EPS15L1: variants seen among roughly 807,000 people sequenced by gnomAD.
EPS15L1 encodes epidermal growth factor receptor pathway substrate 15 like 1, also known as epidermal growth factor receptor substrate 15-like 1.
EPS15L1 carries 43 observed loss-of-function variants against 117.1 expected under a neutral mutation model. The observed-to-expected ratio is 0.37, with a 90% confidence interval of 0.29 to 0.47. The LOEUF is 0.47. Among genes scored for constraint, EPS15L1 ranks in the 20% least tolerant of loss-of-function variants. The probability of loss-of-function intolerance (pLI) is 0.99; values close to 1 mark genes in which losing one functional copy is unlikely to be tolerated. For synonymous variants in EPS15L1, 459 were observed against 470.5 expected, an observed-to-expected ratio of 0.98 and a Z score of 0.32; for missense variants, 981 against 1,164.0, an observed-to-expected ratio of 0.84 and a Z score of 2.29.
Position 16,425,176 on chromosome 19 carries a change from T to C in EPS15L1, c.699A>G (p.Lys233=). ...VPVLPASPPP[K]DSLRSTPSHG... ...GGGACGGCGTGGAGCGGAGGCTGTC[T>C]TTTGGTGGGGGGCTGGCAGGCAGGA... Residue 233 remains lysine (K), a synonymous_variant, in exon 9 of 24, where the codon AAA becomes AAG. Transcript: ENST00000455140. 6.2e-7 allele frequency: 1 copy of C among 1,613,280 alleles called. No individual in the cohort carries two copies. The highest frequency in any genetic ancestry group is 2.2e-5 in the East Asian group (1 of 44,794).
rs1299084917 is a variant in EPS15L1 at position 16,437,763 on chromosome 19, C to A, written c.309+7G>T. ...AGAATGTGAACTTGAAGGACTTGGA[C>A]ACTCACAAATTTAGGCGGTGGCATG... On this transcript the variant is annotated splice_region_variant and intron_variant, in intron 5 of 23. Transcript: ENST00000455140. 6.2e-7 allele frequency: 1 copy of A among 1,610,716 alleles called. No individual in the cohort carries two copies. Among genetic ancestry groups the A allele is most frequent in the Non-Finnish European group, 8.5e-7 (1 of 1,176,908 alleles).
intron 1 of EPS15L1, among the ~76,000 whole-genome samples, chr19:16,451,495 T>G (rs914487263): frequency 1.3e-5 from 2 of 151,800 alleles, no homozygotes; most frequent in African/African-American, 4.9e-5. Context: ...TAGAGGTGCA[T>G]GTTGAAATAC....
intron 15 of EPS15L1, among the ~76,000 whole-genome samples, 179 bp from the exon 16 acceptor site, chr19:16,402,664 C>T (rs1220342932): frequency 1.3e-5 from 2 of 152,004 alleles, no homozygotes; most frequent in African/African-American, 2.4e-5. Context: ...GCCTCAGCCT[C>T]CTGAGTAGCT....
At position 16,377,273 on chromosome 19, in the gene EPS15L1, A is replaced by G; in HGVS notation, c.2248-19T>C. The G allele has an allele frequency of 6.2e-7, 1 of 1,608,156 alleles. No homozygotes were observed. The highest frequency in any genetic ancestry group is 8.5e-7 in the Non-Finnish European group (1 of 1,178,374). ...GTGGGGGCTGTAAGAGAGGACATGA[A>G]AGAGAGGCAAAAATAGTTGTTAAAA... On this transcript the variant is annotated intron_variant, in intron 21 of 23. Coordinates refer to ENST00000455140, the MANE Select transcript of EPS15L1 (RefSeq NM_001258374.3).
intron 12 of EPS15L1, among the ~76,000 whole-genome samples, chr19:16,414,400 C>T (rs1277212243): frequency 6.6e-6 from 1 of 152,026 alleles, no homozygotes; most frequent in Non-Finnish European, 1.5e-5. Context: ...CCTGTCTGAA[C>T]TACTACTTTT....
intron 20 of EPS15L1, 71 bp downstream of exon 20, chr19:16,386,100 G>A (rs1201220254): frequency 4.0e-5 from 47 of 1,182,542 alleles, no homozygotes; most frequent in Non-Finnish European, 5.4e-5. Flanking sequence ...GGGAGTGAAA[G>A]TGTTAACTGC....
rs1282974151 is a variant in EPS15L1, at chr19:16,456,884, T to C, written c.34-14665A>G. ...ACGGCCCCAGTCAGGTGGAAGGGCA[T>C]GTGCATAGGATGCCAGGGTCTGTGC... On this transcript the variant is annotated intron_variant, in intron 1 of 23. Coordinates refer to ENST00000455140, the MANE Select transcript of EPS15L1 (RefSeq NM_001258374.3). 7.9e-5 allele frequency among the ~76,000 whole-genome samples: 12 copies of C among 152,070 alleles called. No homozygotes were observed. In the East Asian group the frequency reaches 1.9e-3, roughly 25 times the overall value.
intron 10 of EPS15L1, among the ~76,000 whole-genome samples, chr19:16,419,254 T>G (rs1394624798): frequency 2.0e-5 from 3 of 151,504 alleles, no homozygotes; most frequent in Admixed American, 6.6e-5. Context: ...AGGTCAGGAG[T>G]TCGAGACCAG....
chr19:16,449,844 T>C lies in EPS15L1; in HGVS notation c.34-7625A>G, dbSNP rs148399892. Among the ~76,000 whole-genome samples the C allele has an allele frequency of 2.0e-3, 304 of 152,280 alleles. 1 individual carries two copies. The highest frequency in any genetic ancestry group is 7.1e-3 in the African/African-American group (297 of 41,546). On this transcript the variant is annotated intron_variant, in intron 1 of 23. Transcript: ENST00000455140. ...AAAAGGAATGAACAGCTGACACATA[T>C]GCAATAATCTGGATGACTCTCCAGA...
At chr19:16,430,455 G>A (rs73511140) in intron 7 of EPS15L1, among the ~76,000 whole-genome samples, 2,180 of 152,254 alleles carry the variant, frequency 0.014, 47 homozygotes, top group African/African-American at 0.05. Flanking sequence ...GATCTGCTTC[G>A]CCATCTGAAA....
intron 17 of EPS15L1, 104 bp from the exon 18 acceptor site, chr19:16,394,105 C>T: frequency 1.0e-6 from 1 of 958,948 alleles, no homozygotes. Context: ...TTGCCTTCTA[C>T]TCCTCCAGTG....
At chr19:16,465,600 T>C (rs1424583487) in intron 1 of EPS15L1, among the ~76,000 whole-genome samples, 1 of 152,150 alleles carries the variant, frequency 6.6e-6, no homozygotes, top group Non-Finnish European at 1.5e-5. Context: ...GGAGGCTCAC[T>C]TGAGGCCAAG....
chr19:16,388,550 G>A (rs1355507630), intron 19 of EPS15L1, among the ~76,000 whole-genome samples: 1 of 152,072 alleles, frequency 6.6e-6, no homozygotes. Context: ...CCTCTCCACC[G>A]GGCACGGTGG....
chr19:16,441,296 C>G (rs556614404), intron 3 of EPS15L1: 1 of 226,374 alleles, frequency 4.4e-6, no homozygotes, highest in South Asian at 5.7e-5. Flanking sequence ...CACAGTGAAA[C>G]CCCGTCCCTA....
intron 10 of EPS15L1, among the ~76,000 whole-genome samples, chr19:16,419,186 G>A (rs887567004): frequency 6.6e-6 from 1 of 152,260 alleles, no homozygotes; most frequent in Non-Finnish European, 1.5e-5. Flanking sequence ...AGGGCCGGGT[G>A]CAATGGCTCA....
At chr19:16,431,281 T>C (rs1455211726) in intron 7 of EPS15L1, among the ~76,000 whole-genome samples, 2 of 150,810 alleles carry the variant, frequency 1.3e-5, no homozygotes, top group Non-Finnish European at 3.0e-5. Flanking sequence ...ATAATACTTA[T>C]ATTTATGGTT....
intron 15 of EPS15L1, 61 bp from the exon 16 acceptor site, chr19:16,402,546 CT>C (rs34782743): frequency 0.19 from 219,298 of 1,148,442 alleles, 9,774 homozygotes; most frequent in South Asian, 0.21. Context: ...AGAAAAGACG[CT>C]TTTTTTTTTT....
In EPS15L1 at chr19:16,425,123, G is replaced by A; in HGVS notation, c.752C>T (p.Thr251Ile). ...SHGSVSSLNS[T>I]GSLSPKHSLK... is the part of the protein sequence containing the mutation. ...GCTGTGCTTGGGGGACAGGCTCCCT[G>A]TGCTGTTGAGGCTGCTGACGCTGCC... Residue 251 changes from threonine to isoleucine, a missense_variant, in exon 9 of 24, where the codon ACA becomes ATA. Physicochemically the swap from Thr to Ile is moderately conservative, Grantham distance 89. Transcript: ENST00000455140. The A allele has an allele frequency of 1.2e-6, 2 of 1,614,228 alleles. No homozygotes were observed. The highest frequency in any genetic ancestry group is 8.5e-7 in the Non-Finnish European group (1 of 1,180,032).
rs566530856 is a variant in EPS15L1, at chr19:16,405,699, G to A, written c.1267-950C>T. Among the ~76,000 whole-genome samples, 19 of 152,312 alleles carry A rather than the reference G, an allele frequency of 1.2e-4. No homozygotes were observed. The highest frequency in any genetic ancestry group is 2.1e-4 in the Non-Finnish European group (14 of 68,026). On this transcript the variant is annotated intron_variant, in intron 13 of 23. Coordinates refer to ENST00000455140, the MANE Select transcript of EPS15L1 (RefSeq NM_001258374.3). This position sits in a 1 kb window ranked among gnomAD's most constrained non-coding sequence, Gnocchi z 4.0. Reference sequence around the variant, plus strand: ...GGACATGAGCACACTGCATTTGTGCGAACGGGAAGGGGAGGGTATGTGTGG... The same window carrying A: ...GGACATGAGCACACTGCATTTGTGCAAACGGGAAGGGGAGGGTATGTGTGG...
Sources: allele counts gnomAD v4.1 joint callset (sites outside exome capture counted in the v4.1 genomes callset), GRCh38; gene constraint gnomAD v4.1.1; non-coding constraint Gnocchi (gnomAD v3.1); transcripts MANE v1.5; gene names NCBI Gene and HGNC (gene_info 2026-07-23, HGNC 2026-07-21).